Variants in ASB3 observed in about 807,000 individuals in gnomAD.
ASB3 encodes ankyrin repeat and SOCS box protein 3.
In ASB3, 41 loss-of-function variants were observed where a neutral mutation model predicts 54.5. That is an observed-to-expected ratio of 0.75 (90% confidence interval 0.59 to 0.98). The LOEUF (loss-of-function observed/expected upper bound fraction) is 0.98. Among genes scored for constraint, ASB3 ranks in the 50% least tolerant of loss-of-function variants. ASB3 has a pLI of 0.00. For missense variants in ASB3, 733 were observed against 620.0 expected, an observed-to-expected ratio of 1.18 and a Z score of -1.94; for synonymous variants, 266 against 221.2, an observed-to-expected ratio of 1.20 and a Z score of -1.80.
At chr2:53,718,643 T>C (rs185605703) in intron 5 of ASB3, among the ~76,000 whole-genome samples, 8 of 151,948 alleles carry the variant, frequency 5.3e-5, no homozygotes, top group Admixed American at 2.6e-4. Flanking sequence ...AACTTAATAA[T>C]AGGATCAAAA....
chr2:53,719,195 T>A (rs1379999927), intron 5 of ASB3, among the ~76,000 whole-genome samples: 1 of 152,126 alleles, frequency 6.6e-6, no homozygotes, highest in Admixed American at 6.5e-5. Context: ...AGTGCTGGGA[T>A]TACAGGCGTG....
At chr2:53,706,126 T>C (rs953052620) in intron 7 of ASB3, among the ~76,000 whole-genome samples, 21 of 152,188 alleles carry the variant, frequency 1.4e-4, no homozygotes, top group African/African-American at 4.3e-4. Flanking sequence ...ATCCCTATTT[T>C]AAAGATAATG....
At chr2:53,777,355 T>C (rs934923464) in intron 1 of ASB3, among the ~76,000 whole-genome samples, 3 of 152,214 alleles carry the variant, frequency 2.0e-5, no homozygotes, top group Non-Finnish European at 4.4e-5. Context: ...CATGCTTCTC[T>C]GGTGCATCAG....
At chr2:53,751,404 T>G (rs1199287144) in intron 2 of ASB3, among the ~76,000 whole-genome samples, 1 of 152,202 alleles carries the variant, frequency 6.6e-6, no homozygotes, top group East Asian at 1.9e-4. Flanking sequence ...TAAATACTCC[T>G]TTTCTAACTT....
At position 53,772,381 on chromosome 2, in the gene ASB3, A is replaced by G. The variant is rs566303978; in HGVS notation, c.-13-6796T>C. Among the ~76,000 whole-genome samples the G allele has an allele frequency of 9.2e-5, 14 of 152,256 alleles. No homozygotes were observed. The East Asian group carries it at 2.1e-3, about 23-fold the overall frequency. On this transcript the variant is annotated intron_variant, in intron 1 of 9. Transcript: ENST00000263634. ...AGTAGAGACGAGGTTTCACCGTGTTAGCCAGGATGGTCTCAATCTCCCGAC... is the reference window on the plus strand; with the variant it reads ...AGTAGAGACGAGGTTTCACCGTGTTGGCCAGGATGGTCTCAATCTCCCGAC...
At chr2:53,774,382 A>G in intron 1 of ASB3, 1 of 1,613,622 alleles carries the variant, frequency 6.2e-7, no homozygotes. Context: ...AGCTGGTCCA[A>G]GTGGAAGAAA....
intron 2 of ASB3, among the ~76,000 whole-genome samples, chr2:53,757,445 T>C (rs1672898157): frequency 6.6e-6 from 1 of 152,224 alleles, no homozygotes; most frequent in Non-Finnish European, 1.5e-5. Flanking sequence ...AAGTCTCTAC[T>C]CAACAGTCGC....
intron 9 of ASB3, among the ~76,000 whole-genome samples, chr2:53,676,685 G>C (rs1051535156): frequency 2.0e-5 from 3 of 152,146 alleles, no homozygotes; most frequent in Non-Finnish European, 2.9e-5. Context: ...ATATCACCCA[G>C]AGCAATTTCC....
At chr2:53,713,895 A>G (rs985771725) in intron 7 of ASB3, among the ~76,000 whole-genome samples, 1 of 152,144 alleles carries the variant, frequency 6.6e-6, no homozygotes, top group African/African-American at 2.4e-5. Context: ...CCCGGGCCAC[A>G]GAGTGAGACC....
intron 7 of ASB3, among the ~76,000 whole-genome samples, chr2:53,711,390 T>A (rs1356526767): frequency 2.6e-5 from 4 of 152,122 alleles, no homozygotes; most frequent in Admixed American, 2.6e-4. Flanking sequence ...CTCTCTATAT[T>A]AAACAACTGG....
intron 2 of ASB3, among the ~76,000 whole-genome samples, chr2:53,757,774 C>A (rs1485233677): frequency 6.6e-6 from 1 of 152,156 alleles, no homozygotes; most frequent in Non-Finnish European, 1.5e-5. Context: ...TCCCCACCAC[C>A]CTTGCCAGGG....
intron 1 of ASB3, among the ~76,000 whole-genome samples, chr2:53,777,243 T>C (rs888093458): frequency 2.0e-5 from 3 of 152,172 alleles, no homozygotes; most frequent in Non-Finnish European, 2.9e-5. Context: ...CAACTCGTCT[T>C]AATCCCTTTC....
chr2:53,709,339 C>T (rs564464440), intron 7 of ASB3, among the ~76,000 whole-genome samples: 1 of 152,286 alleles, frequency 6.6e-6, no homozygotes, highest in African/African-American at 2.4e-5. Flanking sequence ...CCTGTGGGTG[C>T]ACAGAATTTA....
In ASB3 at chr2:53,728,760, C is replaced by G; in HGVS notation, c.556G>C (p.Ala186Pro). 3.1e-6 allele frequency: 5 copies of G among 1,612,066 alleles called. No individual in the cohort carries two copies. The highest frequency in any genetic ancestry group is 4.2e-6 in the Non-Finnish European group (5 of 1,179,012). ...CTTTCTAGCTTGCCATACTGAGCAG[C>G]CACAAATAAAGGTGTGATTCCAAAG... ...DDFGITPLFV[A>P]AQYGKLESLS... is the part of the protein sequence containing the mutation. The change falls in exon 5 of 10, where the codon GCT (alanine) becomes CCT (proline). Residue 186 changes from alanine (A) to proline (P), a missense_variant. Coordinates refer to ENST00000263634, the MANE Select transcript of ASB3 (RefSeq NM_016115.5).
At chr2:53,686,350 C>T (rs1396407568) in intron 9 of ASB3, among the ~76,000 whole-genome samples, 1 of 152,136 alleles carries the variant, frequency 6.6e-6, no homozygotes, top group South Asian at 2.1e-4. Context: ...TCTGCATTAA[C>T]CCCTTAACAA....
At position 53,693,946 on chromosome 2, in the gene ASB3, G is replaced by A. The variant is rs751402166; in HGVS notation, c.1307C>T (p.Pro436Leu). Reference protein sequence around the residue: ...LEFTNWKTLAPAVERMLSARA... With the variant: ...LEFTNWKTLALAVERMLSARA... ...AGCAGAGAGCATCCTTTCAACAGCTGGTGCAAGTGTCTTCCAATTAGTAAA... is the reference window on the plus strand; with the variant it reads ...AGCAGAGAGCATCCTTTCAACAGCTAGTGCAAGTGTCTTCCAATTAGTAAA... Residue 436 changes from proline (P) to leucine (L), a missense_variant, in exon 9 of 10, where the codon CCA (proline) becomes CTA (leucine). Pro to Leu is a moderately conservative substitution (Grantham distance 98). Coordinates refer to ENST00000263634, the MANE Select transcript of ASB3 (RefSeq NM_016115.5). 1.2e-6 allele frequency: 2 copies of A among 1,613,606 alleles called. No individual in the cohort carries two copies. The highest frequency in any genetic ancestry group is 1.7e-6 in the Non-Finnish European group (2 of 1,179,628).
intron 3 of ASB3, among the ~76,000 whole-genome samples, chr2:53,745,293 TTAAAAAA>T (rs1672163192): frequency 1.3e-5 from 2 of 152,134 alleles, no homozygotes; most frequent in Admixed American, 1.3e-4. Flanking sequence ...AGACTCCTTG[TTAAAAAA>T]TAAACTCTAA....
rs1380131024 is a variant in ASB3, at chr2:53,761,382, C to T, written c.196+3995G>A. On this transcript the variant is annotated intron_variant, in intron 2 of 9. Transcript: ENST00000263634. ...CAGCAACCCCCTTTGGGTCCCCTCC[C>T]GTTGTATGGGGGCTCTGTTTTCACT... Among the ~76,000 whole-genome samples, 157 of 151,938 alleles carry T rather than the reference C, an allele frequency of 1.0e-3. 1 individual carries two copies. Among genetic ancestry groups the T allele is most frequent in the Non-Finnish European group, 4.0e-4 (27 of 67,962 alleles).
intron 2 of ASB3, among the ~76,000 whole-genome samples, chr2:53,758,200 G>C (rs1672945698): frequency 6.6e-6 from 1 of 152,192 alleles, no homozygotes; most frequent in African/African-American, 2.4e-5. Context: ...GGCGTAGCCT[G>C]AAAACACTGA....
Sources: gnomAD v4.1 joint callset for allele counts (sites outside exome capture counted in the v4.1 genomes callset) on GRCh38, gnomAD v4.1.1 for gene constraint, MANE v1.5 for transcripts, NCBI Gene and HGNC (gene_info 2026-07-23, HGNC 2026-07-21) for gene names.